Variants in RBFOX1 observed in about 807,000 individuals in gnomAD.
RBFOX1 encodes the protein RNA binding protein fox-1 homolog 1.
In RBFOX1, 8 loss-of-function variants were observed where a neutral mutation model predicts 57.7. The observed-to-expected ratio is 0.14, with a 90% CI of 0.08 to 0.25. RBFOX1 has a LOEUF of 0.25. Ranked by LOEUF, RBFOX1 falls within the 10% of genes least tolerant of loss-of-function variation. The probability of loss-of-function intolerance (pLI) is 1.00; values close to 1 mark genes in which losing one functional copy is unlikely to be tolerated. For missense variants in RBFOX1, 611 were observed against 548.5 expected (o/e 1.11, Z -1.14); for synonymous variants, 326 against 222.4 (o/e 1.47, Z -4.15).
At chr16:5,672,055 G>A (rs564284541) in intron 3 of RBFOX1, among the ~76,000 whole-genome samples, 2 of 152,292 alleles carry the variant, frequency 1.3e-5, no homozygotes, top group African/African-American at 4.8e-5. Context: ...AAAAAAAGGG[G>A]TGCAACTTTC....
intron 3 of RBFOX1, among the ~76,000 whole-genome samples, chr16:6,783,576 C>T (rs2081397179): frequency 6.6e-6 from 1 of 152,030 alleles, no homozygotes; most frequent in South Asian, 2.1e-4. Flanking sequence ...TGACTTTTTG[C>T]TATCTCTGTC....
chr16:6,448,847 C>G (rs2094537796), intron 2 of RBFOX1, among the ~76,000 whole-genome samples: 1 of 152,052 alleles, frequency 6.6e-6, no homozygotes, highest in South Asian at 2.1e-4. Context: ...TATTTTTGTA[C>G]TGGTTCTAGA....
At chr16:5,656,976 A>C (rs8064147) in intron 3 of RBFOX1, among the ~76,000 whole-genome samples, 100,732 of 151,930 alleles carry the variant, frequency 0.66, 34,120 homozygotes, top group Non-Finnish European at 0.74. Context: ...ACAAATATTT[A>C]ATGCGTGCGG....
rs180776273 is a variant in RBFOX1, at chr16:7,679,482, T to C, written c.995+2644T>C. On this transcript the variant is annotated intron_variant, in intron 14 of 15. Coordinates refer to ENST00000550418, the MANE Select transcript of RBFOX1 (RefSeq NM_018723.4). The stretch of plus-strand genomic sequence containing the variant: ...GCAGGCATTGAGAATGTTTTGGTAA[T>C]GCTCACTGGTTGTCAGTTGATCAAA... Among the ~76,000 whole-genome samples the C allele has an allele frequency of 5.9e-5, 9 of 152,328 alleles. 1 individual carries two copies. The South Asian group carries it at 8.3e-4, about 14-fold the overall frequency.
At chr16:6,716,465 T>C (rs1471441714) in intron 3 of RBFOX1, among the ~76,000 whole-genome samples, 1 of 152,234 alleles carries the variant, frequency 6.6e-6, no homozygotes, top group Non-Finnish European at 1.5e-5. Flanking sequence ...GCATTTTCCA[T>C]ATTTTTGGCT....
intron 2 of RBFOX1, among the ~76,000 whole-genome samples, chr16:6,586,993 A>G (rs1302209891): frequency 1.3e-5 from 2 of 152,016 alleles, no homozygotes; most frequent in Non-Finnish European, 2.9e-5. Context: ...TAATACATGC[A>G]TTACTTCCCC....
chr16:7,424,550 TCACCTGGC>T (rs2098589060), intron 4 of RBFOX1, among the ~76,000 whole-genome samples: 1 of 152,170 alleles, frequency 6.6e-6, no homozygotes, highest in Non-Finnish European at 1.5e-5. Context: ...GTGAACCACC[TCACCTGGC>T]CATACGCTTG....
intron 3 of RBFOX1, among the ~76,000 whole-genome samples, chr16:6,665,479 G>C (rs1198773759): frequency 6.6e-6 from 1 of 152,000 alleles, no homozygotes; most frequent in African/African-American, 2.4e-5. Flanking sequence ...AAAAATATTA[G>C]CCAGGCATAG....
intron 1 of RBFOX1, among the ~76,000 whole-genome samples, chr16:6,135,956 A>G (rs1022812733): frequency 2.0e-5 from 3 of 151,632 alleles, no homozygotes; most frequent in African/African-American, 7.3e-5. Flanking sequence ...CACCATACCC[A>G]GCTAATTTTT....
rs138821340 is a variant in RBFOX1 at position 6,648,181 on chromosome 16, G to C, written c.-63-6422G>C. ...CCATTTCAGCTTCCCAAGAAGCTGG[G>C]ACCACAGGTGCATACCACCCCACCT... On this transcript the variant is annotated intron_variant, in intron 2 of 15. Transcript: ENST00000550418. Among the ~76,000 whole-genome samples, 874 of 151,936 alleles carry C rather than the reference G, an allele frequency of 5.8e-3. 7 individuals are homozygous for C. Among genetic ancestry groups the C allele is most frequent in the African/African-American group, 0.02 (814 of 41,444 alleles).
At position 6,901,861 on chromosome 16, in the gene RBFOX1, C is replaced by T. The variant is rs987758525; in HGVS notation, c.-15-150196C>T. Among the ~76,000 whole-genome samples the T allele has an allele frequency of 5.9e-5, 9 of 152,122 alleles. 1 individual carries two copies. The highest frequency in any genetic ancestry group is 2.2e-4 in the African/African-American group (9 of 41,436). On this transcript the variant is annotated intron_variant, in intron 3 of 15. Coordinates refer to ENST00000550418, the MANE Select transcript of RBFOX1 (RefSeq NM_018723.4). ...AAAGTGGGAATTGATGAAAAATGTTCTGGAGTTCCCCATGTGAGCCTAAGT... is the reference window on the plus strand; with the variant it reads ...AAAGTGGGAATTGATGAAAAATGTTTTGGAGTTCCCCATGTGAGCCTAAGT...
At chr16:5,641,976 C>T (rs972173753) in intron 3 of RBFOX1, among the ~76,000 whole-genome samples, 3 of 152,086 alleles carry the variant, frequency 2.0e-5, no homozygotes, top group Non-Finnish European at 4.4e-5. Flanking sequence ...AGGTGGGACT[C>T]GTGATTCTGG....
At chr16:5,330,733 A>T (rs1184603224) in intron 1 of RBFOX1, among the ~76,000 whole-genome samples, 3 of 149,138 alleles carry the variant, frequency 2.0e-5, no homozygotes, top group South Asian at 2.1e-4. Flanking sequence ...TTAATGAGAA[A>T]CCCTGTGGCC....
At chr16:6,222,684 T>TTTATTATTATTA (rs57108959) in intron 1 of RBFOX1, among the ~76,000 whole-genome samples, 4,026 of 141,256 alleles carry the variant, frequency 0.029, 79 homozygotes, top group African/African-American at 0.048. Context: ...TTTCTTTTCT[T>TTTATTATTATTA]TTATTATTAT....
intron 1 of RBFOX1, among the ~76,000 whole-genome samples, chr16:5,317,517 G>A (rs1202932165): frequency 6.6e-6 from 1 of 152,176 alleles, no homozygotes; most frequent in Non-Finnish European, 1.5e-5. Context: ...ACTGAGGAAC[G>A]AGAATCGCTT....
chr16:6,125,888 G>C (rs1428484322), intron 1 of RBFOX1, among the ~76,000 whole-genome samples: 1 of 152,152 alleles, frequency 6.6e-6, no homozygotes, highest in Non-Finnish European at 1.5e-5. Flanking sequence ...GAAGGATTAT[G>C]AGGCTGCTAT....
chr16:7,700,176 AC>A (rs1365303866), intron 14 of RBFOX1, among the ~76,000 whole-genome samples: 6 of 152,078 alleles, frequency 3.9e-5, no homozygotes, highest in Non-Finnish European at 8.8e-5. Context: ...TGACACATGT[AC>A]CCCTGGGGCT....
chr16:6,213,598 A>G (rs1464870531), intron 1 of RBFOX1, among the ~76,000 whole-genome samples: 2 of 152,300 alleles, frequency 1.3e-5, no homozygotes, highest in East Asian at 3.9e-4. Context: ...ATTGTTTATA[A>G]CATGTATTTA....
intron 4 of RBFOX1, among the ~76,000 whole-genome samples, chr16:7,403,829 A>C (rs953124806): frequency 2.6e-5 from 4 of 151,932 alleles, no homozygotes; most frequent in Admixed American, 6.6e-5. Flanking sequence ...TATAGGCGTG[A>C]GCCACCATGC....
Sources: allele counts gnomAD v4.1 joint callset (sites outside exome capture counted in the v4.1 genomes callset), GRCh38; gene constraint gnomAD v4.1.1; transcripts MANE v1.5; gene names NCBI Gene and HGNC (gene_info 2026-07-23, HGNC 2026-07-21).